Variants in TSHZ3 observed in about 807,000 individuals in gnomAD.
TSHZ3 encodes teashirt zinc finger homeobox 3.
In TSHZ3, 10 loss-of-function variants were observed where a neutral mutation model predicts 64.5. That is an observed-to-expected ratio of 0.16 (90% CI 0.10 to 0.26). The LOEUF (loss-of-function observed/expected upper bound fraction) is 0.26. TSHZ3 is among the 10% of genes least tolerant of loss of function. TSHZ3 has a pLI of 1.00. For synonymous variants in TSHZ3, 608 were observed against 593.1 expected (o/e 1.03, Z -0.36); for missense variants, 1,242 against 1,421.7 (o/e 0.87, Z 2.03).
intron 4 of TSHZ3, among the ~76,000 whole-genome samples, chr19:31,223,882 G>A (rs528246401): frequency 2.6e-5 from 4 of 152,136 alleles, no homozygotes; most frequent in Non-Finnish European, 5.9e-5. Flanking sequence ...CTATAGACTA[G>A]CATGGGCCAC....
chr19:31,344,461 A>C (rs1917525044), intron 1 of TSHZ3, among the ~76,000 whole-genome samples: 1 of 152,238 alleles, frequency 6.6e-6, no homozygotes, highest in Admixed American at 6.5e-5. Flanking sequence ...CAGGGATGAA[A>C]ATGGGGCAGG....
chr19:31,159,858 A>G (rs116950688), intron 5 of TSHZ3, among the ~76,000 whole-genome samples: 1,620 of 152,074 alleles, frequency 0.011, 14 homozygotes, highest in Non-Finnish European at 0.017. Flanking sequence ...ATGCCCAGCT[A>G]ATCTTTTATT....
At chr19:31,231,614 CT>C (rs1259291351) in intron 3 of TSHZ3, among the ~76,000 whole-genome samples, 2 of 152,146 alleles carry the variant, frequency 1.3e-5, no homozygotes, top group African/African-American at 4.8e-5. Flanking sequence ...AGTTATATAT[CT>C]TGCCTCTGAT....
intron 5 of TSHZ3, among the ~76,000 whole-genome samples, chr19:31,189,646 A>G (rs1974870715): frequency 6.6e-6 from 1 of 151,974 alleles, no homozygotes; most frequent in Admixed American, 6.6e-5. Flanking sequence ...TGTGTATTTT[A>G]GTACCACTAG....
chr19:31,199,875 AAAC>A (rs1212782458), intron 5 of TSHZ3, among the ~76,000 whole-genome samples: 3 of 149,972 alleles, frequency 2.0e-5, no homozygotes, highest in Admixed American at 6.7e-5. Flanking sequence ...CAATGAAAGA[AAAC>A]AATGATCCAG....
At chr19:31,263,373 G>A (rs1306440971) in intron 1 of TSHZ3, among the ~76,000 whole-genome samples, 2 of 152,228 alleles carry the variant, frequency 1.3e-5, no homozygotes, top group Non-Finnish European at 2.9e-5. Context: ...GCTTTGCAAA[G>A]CTGCATGGAG....
rs1160334453 is a variant in TSHZ3, at chr19:31,340,338, C to CAAAAAAAAAAAA, written c.40+8830_40+8841dup. ...ATTAATTAGCAACAGGCCTACAGTA[C>CAAAAAAAAAAAA]AAAAAAAAAAAAAAAAAAAAAAAAA... On this transcript the variant is annotated intron_variant, in intron 1 of 1. Coordinates refer to ENST00000240587, the MANE Select transcript of TSHZ3 (RefSeq NM_020856.4). 2.3e-3 allele frequency among the ~76,000 whole-genome samples: 74 copies of CAAAAAAAAAAAA among 32,754 alleles called. 14 individuals carry two copies. The highest frequency in any genetic ancestry group is 4.6e-3 in the South Asian group (2 of 438). 21.5% of individuals were successfully genotyped at this position (32,754 alleles called of 152,430 possible).
intron 1 of TSHZ3, among the ~76,000 whole-genome samples, chr19:31,260,413 G>A (rs1169549131): frequency 6.6e-6 from 1 of 152,156 alleles, no homozygotes; most frequent in Non-Finnish European, 1.5e-5. Context: ...GTCAGGTCTG[G>A]GTTCAGAATC....
intron 1 of TSHZ3, among the ~76,000 whole-genome samples, chr19:31,290,860 G>A (rs1262167602): frequency 1.3e-5 from 2 of 152,204 alleles, no homozygotes; most frequent in African/African-American, 4.8e-5. Context: ...GGCCATGGCG[G>A]GATGACAACC....
intron 1 of TSHZ3, among the ~76,000 whole-genome samples, chr19:31,268,520 C>G (rs569298473): frequency 2.6e-5 from 4 of 152,312 alleles, no homozygotes; most frequent in Non-Finnish European, 4.4e-5. Context: ...AAAACAGAAG[C>G]CTGGCTGATC....
At chr19:31,312,417 G>C (rs1265327986) in intron 1 of TSHZ3, among the ~76,000 whole-genome samples, 2 of 152,236 alleles carry the variant, frequency 1.3e-5, no homozygotes, top group East Asian at 1.9e-4. Flanking sequence ...CTTCCGATGG[G>C]GTAGTCCTAT....
chr19:31,315,320 C>T (rs1016291389), intron 1 of TSHZ3, among the ~76,000 whole-genome samples: 1 of 152,238 alleles, frequency 6.6e-6, no homozygotes, highest in East Asian at 1.9e-4. Flanking sequence ...GAGATTCCCC[C>T]AGCCCCGCCC....
chr19:31,211,095 A>C (rs1975254777), intron 4 of TSHZ3, among the ~76,000 whole-genome samples: 1 of 152,196 alleles, frequency 6.6e-6, no homozygotes, highest in Non-Finnish European at 1.5e-5. Context: ...GTACATTTTT[A>C]ATTACCTAAT....
rs538330072 is a variant in TSHZ3 at position 31,349,231 on chromosome 19, G to C, written c.-12C>G. 3.9e-6 allele frequency: 6 copies of C among 1,535,802 alleles called. No individual in the cohort carries two copies. Among genetic ancestry groups the C allele is most frequent in the East Asian group, 2.5e-5 (1 of 39,464 alleles). ...TTCCTCCTCGGCATGATGCTTCTCC[G>C]GCGACTGCCACTGCCGCCGCCGCCG... is the stretch of plus-strand genomic sequence containing the variant. On this transcript the variant is annotated 5_prime_UTR_variant, in exon 1 of 2. Coordinates refer to ENST00000240587, the MANE Select transcript of TSHZ3 (RefSeq NM_020856.4).
chr19:31,308,767 G>T, intron 1 of TSHZ3: 1 of 398,510 alleles, frequency 2.5e-6, no homozygotes, highest in East Asian at 3.6e-5. Flanking sequence ...AATCCTGGCT[G>T]TGTCTGCTCA....
chr19:31,180,871 T>A (rs904833634), intron 5 of TSHZ3, among the ~76,000 whole-genome samples: 1 of 152,184 alleles, frequency 6.6e-6, no homozygotes, highest in African/African-American at 2.4e-5. Flanking sequence ...GGCATGTAAT[T>A]CTGTATCTAC....
At chr19:31,212,052 T>C (rs993450613) in intron 4 of TSHZ3, among the ~76,000 whole-genome samples, 4 of 147,428 alleles carry the variant, frequency 2.7e-5, no homozygotes, top group Admixed American at 2.0e-4. Flanking sequence ...CTTTCTCTCT[T>C]TTTTTTTTTC....
At chr19:31,166,312 T>C (rs1180014260) in intron 5 of TSHZ3, among the ~76,000 whole-genome samples, 1 of 152,180 alleles carries the variant, frequency 6.6e-6, no homozygotes, top group East Asian at 1.9e-4. Flanking sequence ...ATGAGATAAG[T>C]TCTTAAAGAG....
At chr19:31,220,657 A>G (rs1474247767) in intron 4 of TSHZ3, among the ~76,000 whole-genome samples, 2 of 152,184 alleles carry the variant, frequency 1.3e-5, no homozygotes, top group Non-Finnish European at 2.9e-5. Flanking sequence ...CTTTCTATTC[A>G]GCTGGCAGGT....
Sources: gnomAD v4.1 joint callset for allele counts (sites outside exome capture counted in the v4.1 genomes callset) on GRCh38, gnomAD v4.1.1 for gene constraint, MANE v1.5 for transcripts, NCBI Gene and HGNC (gene_info 2026-07-23, HGNC 2026-07-21) for gene names.